MAPK8IP1: variants seen among roughly 807,000 people sequenced by gnomAD.
MAPK8IP1 encodes mitogen-activated protein kinase 8 interacting protein 1.
In MAPK8IP1, 17 loss-of-function variants were observed where a neutral mutation model predicts 72.6. The observed-to-expected ratio is 0.23, with a 90% CI of 0.16 to 0.35. The LOEUF (loss-of-function observed/expected upper bound fraction) is 0.35. MAPK8IP1 is among the 10% of genes least tolerant of loss of function. MAPK8IP1 has a pLI of 1.00. For synonymous variants in MAPK8IP1, 401 were observed against 443.4 expected, an observed-to-expected ratio of 0.90 and a Z score of 1.20; for missense variants, 789 against 1,009.7, an observed-to-expected ratio of 0.78 and a Z score of 2.96.
chr11:45,901,970 C>T lies in MAPK8IP1; in HGVS notation c.523-10C>T. 2 of 1,611,646 alleles carry T rather than the reference C, an allele frequency of 1.2e-6. No homozygotes were observed. Among genetic ancestry groups the T allele is most frequent in the Non-Finnish European group, 1.7e-6 (2 of 1,177,750 alleles). Reference sequence around the variant, plus strand: ...ACTTCCATCACAAGAGCCTTTTGTTCCCTGCACAGGACACACTGAATAATA... The same window carrying T: ...ACTTCCATCACAAGAGCCTTTTGTTTCCTGCACAGGACACACTGAATAATA... On this transcript the variant is annotated splice_polypyrimidine_tract_variant and intron_variant, in intron 3 of 11. Transcript: ENST00000241014.
chr11:45,893,842 C>T (rs1351056284), intron 1 of MAPK8IP1, among the ~76,000 whole-genome samples: 1 of 150,796 alleles, frequency 6.6e-6, no homozygotes, highest in Non-Finnish European at 1.5e-5. Flanking sequence ...CCACATTGAC[C>T]TTCCATGAGC....
chr11:45,900,566 C>A lies in MAPK8IP1; in HGVS notation c.522+114C>A. 8.0e-7 allele frequency: 1 copy of A among 1,253,756 alleles called. No individual in the cohort carries two copies. The highest frequency in any genetic ancestry group is 1.1e-6 in the Non-Finnish European group (1 of 922,154). The allele number at this position is 1,253,756 out of a possible 1,614,324, so 77.7% of individuals were successfully genotyped here. On this transcript the variant is annotated intron_variant, in intron 3 of 11. Transcript: ENST00000241014. This position sits in a 1 kb window ranked among gnomAD's most constrained non-coding sequence, Gnocchi z 6.5. ...ACGGGTCCAGTGCCTGGGGACAGCG[C>A]CTGCATAGGGGCCGCGGTGGCTCGC...
chr11:45,896,585 A>G, intron 1 of MAPK8IP1: 1 of 1,284,564 alleles, frequency 7.8e-7, no homozygotes, highest in Middle Eastern at 3.0e-4. Context: ...GGAGGCGGCC[A>G]CAGCGGCAGC....
chr11:45,894,999 G>C (rs752757629), intron 1 of MAPK8IP1, among the ~76,000 whole-genome samples: 1 of 152,226 alleles, frequency 6.6e-6, no homozygotes. Context: ...AGCAAGCATG[G>C]TTTGAGAGTC....
In MAPK8IP1 at chr11:45,903,270, A is replaced by G. The variant is rs2086672269; in HGVS notation, c.1417+86A>G. 6.3e-7 allele frequency: 1 copy of G among 1,581,604 alleles called. No individual in the cohort carries two copies. Among genetic ancestry groups the G allele is most frequent in the East Asian group, 2.2e-5 (1 of 44,510 alleles). On this transcript the variant is annotated intron_variant, in intron 5 of 11. Transcript: ENST00000241014. The surrounding 1 kb of genome is among the most constrained non-coding windows in gnomAD (Gnocchi z 6.4). The stretch of plus-strand genomic sequence containing the variant: ...GCGAAGTGTTCTGGGAGGCGACCCC[A>G]GGCCCCATCTGGTTAGGACTGAGGC...
chr11:45,902,813 G>C lies in MAPK8IP1; in HGVS notation c.1046G>C (p.Gly349Ala), dbSNP rs1386026315. 6.3e-7 allele frequency: 1 copy of C among 1,581,454 alleles called. No homozygotes were observed. The highest frequency in any genetic ancestry group is 2.3e-5 in the East Asian group (1 of 43,522). The change falls in exon 5 of 12, where the codon GGC (glycine) becomes GCC (alanine). Residue 349 changes from glycine (G) to alanine (A), a missense_variant. This residue lies in a region of MAPK8IP1 where 377 missense variants were observed against 411.7 expected (regional missense o/e 0.92). Transcript: ENST00000241014. This position sits in a 1 kb window ranked among gnomAD's most constrained non-coding sequence, Gnocchi z 9.3. ...TCCCCAGAGCGGGCTGAGCCCCCAG[G>C]CGGAGGGTGGCGGGGGAGCCTGGGG... ...LSSPERAEPP[G>A]GGWRGSLGEP...
intron 1 of MAPK8IP1, 46 bp from the exon 2 acceptor site, chr11:45,898,039 G>A (rs900874410): frequency 1.7e-6 from 2 of 1,168,112 alleles, no homozygotes; most frequent in Non-Finnish European, 2.6e-6. Flanking sequence ...GATGTGAGCA[G>A]GCATAGTGCC....
rs1220716221 is a variant in MAPK8IP1, at chr11:45,903,751, GC to G, written c.1494-236del. Among the ~76,000 whole-genome samples the G allele has an allele frequency of 6.6e-6, 1 of 151,992 alleles. No homozygotes were observed. The highest frequency in any genetic ancestry group is 2.4e-5 in the African/African-American group (1 of 41,366). On this transcript the variant is annotated intron_variant, in intron 6 of 11. Transcript: ENST00000241014. The surrounding 1 kb of genome is among the most constrained non-coding windows in gnomAD (Gnocchi z 6.4). ...TAGACAAAAGCCTGCGCTTCCCACA[GC>G]CTCTCCATTTTAGAGGGGGCCCTGC...
At chr11:45,890,713 C>A (rs1330932381) in intron 1 of MAPK8IP1, among the ~76,000 whole-genome samples, 2 of 151,860 alleles carry the variant, frequency 1.3e-5, no homozygotes, top group Non-Finnish European at 2.9e-5. Flanking sequence ...CAGTGGGAGA[C>A]CAGAGGGCGG....
chr11:45,896,331 G>A (rs1382410863), intron 1 of MAPK8IP1, among the ~76,000 whole-genome samples: 1 of 152,260 alleles, frequency 6.6e-6, no homozygotes. Context: ...CTATGGCAGT[G>A]CAAACCGAGT....
At position 45,902,611 on chromosome 11, in the gene MAPK8IP1, T is replaced by C. The variant is rs754636652; in HGVS notation, c.844T>C (p.Tyr282His). The C allele has an allele frequency of 3.1e-6, 5 of 1,612,866 alleles. No homozygotes were observed. The highest frequency in any genetic ancestry group is 2.5e-6 in the Non-Finnish European group (3 of 1,179,908). The change falls in exon 5 of 12, where the codon TAC (tyrosine) becomes CAC (histidine). Residue 282 changes from tyrosine to histidine, a missense_variant. This residue lies in a region of MAPK8IP1 where 377 missense variants were observed against 411.7 expected (regional missense o/e 0.92). Coordinates refer to ENST00000241014, the MANE Select transcript of MAPK8IP1 (RefSeq NM_005456.4). This position sits in a 1 kb window ranked among gnomAD's most constrained non-coding sequence, Gnocchi z 9.3. ...DVRLEATEEI[Y>H]LTPVQRPPDA... ...GCGACTAGAGGCCACTGAGGAGATC[T>C]ACCTGACCCCAGTGCAGAGGCCCCC...
In MAPK8IP1 at chr11:45,902,304, G is replaced by GAGTGGC; in HGVS notation, c.605-65_605-60dup. 1.5e-6 allele frequency: 2 copies of GAGTGGC among 1,331,494 alleles called. No individual in the cohort carries two copies. The highest frequency in any genetic ancestry group is 2.1e-6 in the Non-Finnish European group (2 of 948,382). The allele number at this position is 1,331,494 out of a possible 1,614,324, so 82.5% of individuals were successfully genotyped here. On this transcript the variant is annotated intron_variant, in intron 4 of 11. Coordinates refer to ENST00000241014, the MANE Select transcript of MAPK8IP1 (RefSeq NM_005456.4). The surrounding 1 kb of genome is among the most constrained non-coding windows in gnomAD (Gnocchi z 9.3). ...CTTGGTTTCTGTGTCACCAAGCTGA[G>GAGTGGC]AGTGGCAGGTGCAGGTAGCTGGGAG...
rs755928317 is a variant in MAPK8IP1, at chr11:45,904,101, C to A, written c.1606C>A (p.Arg536=). 2 of 1,614,016 alleles carry A rather than the reference C, an allele frequency of 1.2e-6. No individual in the cohort carries two copies. Among genetic ancestry groups the A allele is most frequent in the Non-Finnish European group, 8.5e-7 (1 of 1,180,018 alleles). ...GGCCTACAACATGCGCACTGGTGCC[C>A]GGGGTGTCTTTCCTGCCTATTACGC... is the stretch of plus-strand genomic sequence containing the variant. ...YEAYNMRTGA[R]GVFPAYYAIE... is the part of the protein sequence containing the mutation. Residue 536 remains arginine, a synonymous_variant, in exon 7 of 12, where the codon CGG becomes AGG. Transcript: ENST00000241014. This position sits in a 1 kb window ranked among gnomAD's most constrained non-coding sequence, Gnocchi z 6.4.
intron 1 of MAPK8IP1, among the ~76,000 whole-genome samples, chr11:45,895,449 G>A (rs1260867381): frequency 1.3e-5 from 2 of 152,028 alleles, no homozygotes; most frequent in East Asian, 3.9e-4. Context: ...GTGAAACCCT[G>A]TCTCTACTAA....
intron 3 of MAPK8IP1, among the ~76,000 whole-genome samples, chr11:45,901,755 T>A (rs1291046365): frequency 2.6e-5 from 4 of 152,182 alleles, no homozygotes; most frequent in African/African-American, 9.7e-5. Context: ...TTGGCCAGCT[T>A]CCCTGAGCAA....
At chr11:45,889,548 A>C (rs1006975940) in intron 1 of MAPK8IP1, among the ~76,000 whole-genome samples, 3 of 152,216 alleles carry the variant, frequency 2.0e-5, no homozygotes, top group Non-Finnish European at 4.4e-5. Context: ...GCAGAAGGAC[A>C]GTTCACGTGG....
Position 45,902,455 on chromosome 11 carries a change from G to T in MAPK8IP1, c.688G>T (p.Gly230Cys). 6.3e-7 allele frequency: 1 copy of T among 1,599,838 alleles called. No homozygotes were observed. ...CGGCCCCGCCCCCACCACAGATCGA[G>T]GCACCTCCACCGACAGCCCTTGCCG... Reference protein sequence around the residue: ...QSGPAPTTDRGTSTDSPCRRS... With the variant: ...QSGPAPTTDRCTSTDSPCRRS... The change falls in exon 5 of 12, where the codon GGC becomes TGC. Residue 230 changes from glycine (G) to cysteine (C), a missense_variant. Gly to Cys is a radical substitution (Grantham distance 159). This residue lies in a region of MAPK8IP1 where 377 missense variants were observed against 411.7 expected (regional missense o/e 0.92). Transcript: ENST00000241014. The surrounding 1 kb of genome is among the most constrained non-coding windows in gnomAD (Gnocchi z 9.3).
rs1209712087 is a variant in MAPK8IP1 at position 45,906,397 on chromosome 11, A to G, written c.*676A>G. On this transcript the variant is annotated 3_prime_UTR_variant, in exon 12 of 12. Coordinates refer to ENST00000241014, the MANE Select transcript of MAPK8IP1 (RefSeq NM_005456.4). ...GCAGAAGAGGGAGGCTTCCTGACTGACACAGGCCAGCCCCATCTTGGTCCT... is the reference window on the plus strand; with the variant it reads ...GCAGAAGAGGGAGGCTTCCTGACTGGCACAGGCCAGCCCCATCTTGGTCCT... The G allele has an allele frequency of 7.2e-6, 6 of 828,926 alleles. No individual in the cohort carries two copies. The highest frequency in any genetic ancestry group is 3.3e-5 in the Admixed American group (1 of 30,250). 51.3% of individuals were successfully genotyped at this position (828,926 alleles called of 1,614,324 possible).
Position 45,900,198 on chromosome 11 carries a change from G to A in MAPK8IP1, c.268G>A (p.Glu90Lys), listed in dbSNP as rs1041924737. The change falls in exon 3 of 12, where the codon GAG (glutamate) becomes AAG (lysine). Residue 90 changes from glutamate (E) to lysine (K), a missense_variant. By Grantham distance (56) the Glu-to-Lys change is moderately conservative. This residue lies in a region of MAPK8IP1 where 112 missense variants were observed against 192.8 expected (regional missense o/e 0.58). Coordinates refer to ENST00000241014, the MANE Select transcript of MAPK8IP1 (RefSeq NM_005456.4). The surrounding 1 kb of genome is among the most constrained non-coding windows in gnomAD (Gnocchi z 6.5). Reference protein sequence around the residue: ...GGGAGSRLQAEMLQMDLIDAT... With the variant: ...GGGAGSRLQAKMLQMDLIDAT... ...CGGCGCGGGGAGCCGGTTGCAGGCC[G>A]AGATGCTGCAGATGGACCTGATCGA... 9.1e-6 allele frequency: 12 copies of A among 1,320,570 alleles called. No homozygotes were observed. The highest frequency in any genetic ancestry group is 1.2e-5 in the Non-Finnish European group (12 of 1,042,690). 81.8% of individuals were successfully genotyped at this position (1,320,570 alleles called of 1,614,324 possible). A position where few individuals can be genotyped will look rare whatever the true frequency, so the allele number is the denominator to read the frequency against.
Sources: gnomAD v4.1 joint callset for allele counts (sites outside exome capture counted in the v4.1 genomes callset) on GRCh38, gnomAD v4.1.1 for gene constraint, gnomAD v4.1.1 regional missense constraint, Gnocchi (gnomAD v3.1) non-coding constraint, MANE v1.5 for transcripts, NCBI Gene and HGNC (gene_info 2026-07-23, HGNC 2026-07-21) for gene names.